The following PDPN variants were observed in gnomAD, a reference collection of about 807,000 sequenced individuals.
PDPN encodes podoplanin.
A neutral mutation model predicts 23.2 loss-of-function variants in PDPN; 12 were observed. The observed-to-expected ratio is 0.52, with a 90% CI of 0.33 to 0.84. The LOEUF is 0.84. Ranked by LOEUF, PDPN falls within the 40% of genes least tolerant of loss-of-function variation. The probability of loss-of-function intolerance (pLI) is 0.02; values close to 1 mark genes in which losing one functional copy is unlikely to be tolerated. For missense variants in PDPN, 199 were observed against 212.2 expected, an observed-to-expected ratio of 0.94 and a Z score of 0.39; for synonymous variants, 77 against 76.7, an observed-to-expected ratio of 1.00 and a Z score of -0.02.
intron 2 of PDPN, among the ~76,000 whole-genome samples, chr1:13,607,818 T>G (rs1001994566): frequency 2.2e-4 from 33 of 152,140 alleles, no homozygotes; most frequent in African/African-American, 7.7e-4. Flanking sequence ...TAAATATATC[T>G]TCTCAGCCGG....
intron 1 of PDPN, among the ~76,000 whole-genome samples, chr1:13,603,394 C>CAAA (rs542415152): frequency 8.4e-4 from 127 of 152,022 alleles, no homozygotes; most frequent in African/African-American, 2.8e-3. Context: ...AAAGAAAAGA[C>CAAA]AAAAGAAATG....
rs991114634 is a variant in PDPN, at chr1:13,617,455, T to C, written c.*1544T>C. 1 of 152,160 alleles carries C rather than the reference T, an allele frequency of 6.6e-6. No homozygotes were observed. The highest frequency in any genetic ancestry group is 1.5e-5 in the Non-Finnish European group (1 of 68,042). 9.4% of individuals were successfully genotyped at this position (152,160 alleles called of 1,614,324 possible). On this transcript the variant is annotated 3_prime_UTR_variant, in exon 6 of 6. Coordinates refer to ENST00000621990, the MANE Select transcript of PDPN (RefSeq NM_006474.5). ...AACTCTGCCTCCCGGCAATTATACA[T>C]GTGTCAGGATGTCAAAAAGCAATTC...
At chr1:13,605,575 C>T (rs1345556499) in intron 1 of PDPN, among the ~76,000 whole-genome samples, 1 of 152,186 alleles carries the variant, frequency 6.6e-6, no homozygotes, top group Non-Finnish European at 1.5e-5. Flanking sequence ...CTCTATCTCT[C>T]ATTGTAGAAT....
intron 1 of PDPN, among the ~76,000 whole-genome samples, chr1:13,584,601 C>T (rs907430338): frequency 4.6e-5 from 7 of 152,242 alleles, no homozygotes; most frequent in African/African-American, 1.4e-4. Flanking sequence ...AGTCTGGCGC[C>T]CTGCCTGTTG....
At position 13,617,553 on chromosome 1, in the gene PDPN, A is replaced by G. The variant is rs1199231776; in HGVS notation, c.*1642A>G. 1 of 152,164 alleles carries G rather than the reference A, an allele frequency of 6.6e-6. No individual in the cohort carries two copies. Among genetic ancestry groups the G allele is most frequent in the Non-Finnish European group, 1.5e-5 (1 of 68,042 alleles). The allele number at this position is 152,164 out of a possible 1,614,324, so 9.4% of individuals were successfully genotyped here. On this transcript the variant is annotated 3_prime_UTR_variant, in exon 6 of 6. Coordinates refer to ENST00000621990, the MANE Select transcript of PDPN (RefSeq NM_006474.5). ...ACACCCGGCCAATTTTTGTATTTTT[A>G]GTAGAGATGGGGTTTCACCGTATCG...
intron 1 of PDPN, among the ~76,000 whole-genome samples, chr1:13,606,166 T>C (rs1372596196): frequency 6.6e-6 from 1 of 152,064 alleles, no homozygotes; most frequent in Non-Finnish European, 1.5e-5. Flanking sequence ...ATTTTTGTAT[T>C]TTTAGTAGAG....
At chr1:13,591,368 C>T (rs562440849) in intron 1 of PDPN, among the ~76,000 whole-genome samples, 169 of 152,264 alleles carry the variant, frequency 1.1e-3, no homozygotes, top group African/African-American at 4.0e-3. Flanking sequence ...ATTCACATAC[C>T]ATAAAATTAA....
intron 1 of PDPN, among the ~76,000 whole-genome samples, chr1:13,602,172 A>G (rs1269926404): frequency 6.6e-6 from 1 of 152,130 alleles, no homozygotes; most frequent in Non-Finnish European, 1.5e-5. Flanking sequence ...TAAAAAATAC[A>G]AAAAAATTAG....
At chr1:13,605,686 G>A (rs1640767413) in intron 1 of PDPN, among the ~76,000 whole-genome samples, 1 of 152,054 alleles carries the variant, frequency 6.6e-6, no homozygotes, top group African/African-American at 2.4e-5. Flanking sequence ...GCAGTGGTGT[G>A]ATCTTGGCTC....
chr1:13,587,684 T>A (rs772017113), intron 1 of PDPN, among the ~76,000 whole-genome samples: 10 of 152,058 alleles, frequency 6.6e-5, no homozygotes, highest in Non-Finnish European at 1.0e-4. Context: ...AAGTGGACAG[T>A]TACTGTGATG....
intron 1 of PDPN, among the ~76,000 whole-genome samples, chr1:13,594,843 A>C (rs1640448539): frequency 6.6e-6 from 1 of 151,800 alleles, no homozygotes; most frequent in African/African-American, 2.4e-5. Context: ...AAAAAAAAAA[A>C]AATTAGCCGG....
intron 1 of PDPN, among the ~76,000 whole-genome samples, chr1:13,591,705 A>AT (rs1640347917): frequency 6.6e-6 from 1 of 152,146 alleles, no homozygotes; most frequent in Non-Finnish European, 1.5e-5. Context: ...TTTAAAAAAA[A>AT]TTTTTTAGAG....
intron 1 of PDPN, among the ~76,000 whole-genome samples, chr1:13,603,217 T>A (rs1640692687): frequency 6.6e-6 from 1 of 152,088 alleles, no homozygotes; most frequent in Non-Finnish European, 1.5e-5. Flanking sequence ...ATGCCATCTC[T>A]ACTAAAAATA....
Position 13,614,336 on chromosome 1 carries a change from T to A in PDPN, c.407T>A (p.Val136Asp), listed in dbSNP as rs747491586. Residue 136 changes from valine (V) to aspartate (D), a missense_variant, in exon 5 of 6, where the codon GTT becomes GAT. By Grantham distance (152) the Val-to-Asp change is radical. Coordinates refer to ENST00000621990, the MANE Select transcript of PDPN (RefSeq NM_006474.5). ...LSTVTLVGII[V>D]GVLLAIGFIG... ...ACAGTGACCCTGGTTGGAATCATAGTTGGGGTCTTACTAGCCATCGGCTTC... is the reference window on the plus strand; with the variant it reads ...ACAGTGACCCTGGTTGGAATCATAGATGGGGTCTTACTAGCCATCGGCTTC... The A allele has an allele frequency of 6.2e-7, 1 of 1,607,932 alleles. No homozygotes were observed. Among genetic ancestry groups the A allele is most frequent in the Non-Finnish European group, 8.5e-7 (1 of 1,174,486 alleles).
At chr1:13,600,908 G>A (rs1283538679) in intron 1 of PDPN, among the ~76,000 whole-genome samples, 2 of 152,116 alleles carry the variant, frequency 1.3e-5, no homozygotes, top group Non-Finnish European at 2.9e-5. Flanking sequence ...GGCCTAACAA[G>A]ATTCTTTGTG....
chr1:13,592,805 C>G (rs1312166027), intron 1 of PDPN, among the ~76,000 whole-genome samples: 3 of 152,154 alleles, frequency 2.0e-5, no homozygotes, highest in Non-Finnish European at 4.4e-5. Context: ...CCGCCTCTGC[C>G]TCCCAAAGTG....
intron 2 of PDPN, 21 bp from the exon 3 acceptor site, chr1:13,610,366 C>G (rs1444033613): frequency 1.2e-6 from 2 of 1,602,560 alleles, no homozygotes; most frequent in Non-Finnish European, 1.7e-6. Context: ...TCCTGTTTTT[C>G]CTCATTTACA....
chr1:13,585,652 G>A, intron 1 of PDPN: 4 of 1,351,700 alleles, frequency 3.0e-6, no homozygotes, highest in Non-Finnish European at 2.9e-6. Context: ...ACTCCTAAAA[G>A]ATGGCGTTAA....
At chr1:13,612,010 A>G (rs111970665) in intron 3 of PDPN, among the ~76,000 whole-genome samples, 674 of 152,246 alleles carry the variant, frequency 4.4e-3, no homozygotes, top group African/African-American at 0.015. Flanking sequence ...GTCATACTTC[A>G]TACTCATTTT....
Sources: gnomAD v4.1 joint callset for allele counts (sites outside exome capture counted in the v4.1 genomes callset) on GRCh38, gnomAD v4.1.1 for gene constraint, MANE v1.5 for transcripts, NCBI Gene and HGNC (gene_info 2026-07-23, HGNC 2026-07-21) for gene names.